DLG2: variants seen among roughly 807,000 people sequenced by gnomAD.
DLG2 encodes disks large homolog 2.
DLG2 carries 45 observed loss-of-function variants against 132.5 expected under a neutral mutation model. The ratio of observed to expected loss-of-function variants is 0.34; its 90% CI spans 0.27 to 0.44. DLG2 has a LOEUF of 0.44. Among genes scored for constraint, DLG2 ranks in the 20% least tolerant of loss-of-function variants. DLG2 has a pLI of 1.00. For synonymous variants in DLG2, 424 were observed against 419.6 expected (o/e 1.01, Z -0.13); for missense variants, 1,045 against 1,196.9 (o/e 0.87, Z 1.87).
At chr11:84,286,706 G>T (rs2097913607) in intron 7 of DLG2, among the ~76,000 whole-genome samples, 1 of 152,128 alleles carries the variant, frequency 6.6e-6, no homozygotes, top group Non-Finnish European at 1.5e-5. Flanking sequence ...TAGCCTAAGG[G>T]CCATAATGGT....
chr11:84,313,529 G>A (rs527765354), intron 7 of DLG2, among the ~76,000 whole-genome samples: 7 of 104,122 alleles, frequency 6.7e-5, no homozygotes. Flanking sequence ...AGAGAGAGAG[G>A]AAGAAAGGAA....
At chr11:85,403,661 G>A (rs2088423816) in intron 3 of DLG2, among the ~76,000 whole-genome samples, 1 of 151,878 alleles carries the variant, frequency 6.6e-6, no homozygotes, top group African/African-American at 2.4e-5. Flanking sequence ...AACTGGAGAT[G>A]TATGATATCA....
chr11:84,641,605 T>C (rs568430666), intron 6 of DLG2, among the ~76,000 whole-genome samples: 1 of 152,202 alleles, frequency 6.6e-6, no homozygotes, highest in East Asian at 1.9e-4. Flanking sequence ...TCTCTCCCTA[T>C]ATGCTTCGCT....
At chr11:84,117,346 G>A (rs1035234894) in intron 9 of DLG2, among the ~76,000 whole-genome samples, 8 of 152,104 alleles carry the variant, frequency 5.3e-5, no homozygotes, top group African/African-American at 1.9e-4. Flanking sequence ...TATCATATGT[G>A]CTCCCTCATT....
intron 5 of DLG2, among the ~76,000 whole-genome samples, chr11:85,115,436 A>C (rs985917585): frequency 6.6e-6 from 1 of 152,022 alleles, no homozygotes; most frequent in Non-Finnish European, 1.5e-5. Context: ...CTGCCTAAAA[A>C]AGTACTTATT....
intron 17 of DLG2, among the ~76,000 whole-genome samples, chr11:83,831,962 T>C (rs572036603): frequency 2.6e-5 from 4 of 151,682 alleles, no homozygotes; most frequent in Non-Finnish European, 5.9e-5. Flanking sequence ...GGCAATGAGA[T>C]GGAAGAATGA....
At chr11:83,658,298 A>G (rs781003141) in intron 18 of DLG2, among the ~76,000 whole-genome samples, 32 of 152,184 alleles carry the variant, frequency 2.1e-4, no homozygotes, top group Non-Finnish European at 4.3e-4. Flanking sequence ...AGACTTTATT[A>G]TTTCCAAAAA....
chr11:84,565,906 G>T (rs1376648870), intron 6 of DLG2, among the ~76,000 whole-genome samples: 1 of 150,976 alleles, frequency 6.6e-6, no homozygotes, highest in African/African-American at 2.4e-5. Context: ...ATTCGATAAA[G>T]TATTATTGAC....
At chr11:84,710,893 T>C (rs1351676749) in intron 6 of DLG2, among the ~76,000 whole-genome samples, 1 of 151,208 alleles carries the variant, frequency 6.6e-6, no homozygotes, top group African/African-American at 2.4e-5. Context: ...ATGCTATTGT[T>C]ATTCTATCTG....
chr11:85,314,615 G>T (rs1465204076), intron 3 of DLG2, among the ~76,000 whole-genome samples: 1 of 151,810 alleles, frequency 6.6e-6, no homozygotes, highest in Admixed American at 6.6e-5. Context: ...ATTTTGGGGG[G>T]TGAAAGTCCT....
intron 3 of DLG2, among the ~76,000 whole-genome samples, chr11:85,356,717 G>A (rs544604740): frequency 2.0e-5 from 3 of 152,132 alleles, no homozygotes; most frequent in East Asian, 1.9e-4. Flanking sequence ...AGCTCCAAGA[G>A]GGCAGGAATC....
At chr11:83,929,851 C>T (rs1427337478) in intron 15 of DLG2, among the ~76,000 whole-genome samples, 1 of 152,086 alleles carries the variant, frequency 6.6e-6, no homozygotes, top group Non-Finnish European at 1.5e-5. Context: ...ACCTTAAAGA[C>T]TCAGTTAAAT....
chr11:84,027,823 T>C (rs891534026), intron 11 of DLG2, among the ~76,000 whole-genome samples: 2 of 152,168 alleles, frequency 1.3e-5, no homozygotes, highest in South Asian at 4.1e-4. Flanking sequence ...ATTCCTTCCA[T>C]AACACAAAGA....
chr11:85,221,584 T>C (rs184685227), intron 4 of DLG2, among the ~76,000 whole-genome samples: 63 of 152,354 alleles, frequency 4.1e-4, no homozygotes, highest in African/African-American at 1.5e-3. Context: ...TTTATGGTGA[T>C]CTCAAGTTTA....
intron 9 of DLG2, among the ~76,000 whole-genome samples, chr11:84,162,272 T>A (rs2095563239): frequency 6.6e-6 from 1 of 152,050 alleles, no homozygotes; most frequent in South Asian, 2.1e-4. Flanking sequence ...CCAACATGTG[T>A]AACATTTGGT....
chr11:85,069,124 C>T (rs187009), intron 6 of DLG2, among the ~76,000 whole-genome samples: 57,459 of 149,350 alleles, frequency 0.38, 11,303 homozygotes, highest in South Asian at 0.57. Flanking sequence ...ACTGGATCCC[C>T]TCCTTACACT....
intron 6 of DLG2, among the ~76,000 whole-genome samples, chr11:85,064,641 G>A (rs991683813): frequency 4.0e-5 from 6 of 151,622 alleles, no homozygotes; most frequent in Admixed American, 6.6e-5. Context: ...GCTAAGCTGT[G>A]GTACCAAGCT....
intron 21 of DLG2, among the ~76,000 whole-genome samples, chr11:83,518,634 T>A (rs1415051897): frequency 6.6e-6 from 1 of 152,182 alleles, no homozygotes. Context: ...CTGGGAGCTG[T>A]AGACTGGAGC....
intron 14 of DLG2, among the ~76,000 whole-genome samples, chr11:83,944,492 C>T (rs1043246008): frequency 7.2e-5 from 11 of 152,138 alleles, no homozygotes; most frequent in Non-Finnish European, 1.5e-4. Flanking sequence ...GAAAACTGTG[C>T]TTTATTACCG....
Sources: allele counts gnomAD v4.1 joint callset (sites outside exome capture counted in the v4.1 genomes callset), GRCh38; gene constraint gnomAD v4.1.1; transcripts MANE v1.5; gene names NCBI Gene and HGNC (gene_info 2026-07-23, HGNC 2026-07-21).